AMOTL1: variants seen among roughly 807,000 people sequenced by gnomAD.
AMOTL1 encodes the protein angiomotin-like protein 1.
In AMOTL1, 45 loss-of-function variants were observed where a neutral mutation model predicts 102.9. The ratio of observed to expected loss-of-function variants is 0.44; its 90% CI spans 0.34 to 0.56. AMOTL1 has a LOEUF of 0.56. Among genes scored for constraint, AMOTL1 ranks in the 20% least tolerant of loss-of-function variants. AMOTL1 has a pLI of 0.01. For synonymous variants in AMOTL1, 481 were observed against 484.7 expected, an observed-to-expected ratio of 0.99 and a Z score of 0.10; for missense variants, 1,114 against 1,225.6, an observed-to-expected ratio of 0.91 and a Z score of 1.36.
intron 2 of AMOTL1, among the ~76,000 whole-genome samples, chr11:94,729,969 T>C (rs930699531): frequency 2.6e-5 from 4 of 152,114 alleles, no homozygotes; most frequent in Non-Finnish European, 5.9e-5. Flanking sequence ...CACCAGGGTA[T>C]GTCTTCCAAC....
rs74615050 is a variant in AMOTL1 at position 94,778,761 on chromosome 11, A to G, written c.49+10201A>G. ...GGACTTCTGGGGCAAGAAGACTGAG[A>G]GCGCATGAGTGGTTTGTGACTGGAT... On this transcript the variant is annotated intron_variant, in intron 1 of 12. Coordinates refer to ENST00000433060, the MANE Select transcript of AMOTL1 (RefSeq NM_130847.3). Among the ~76,000 whole-genome samples, 916 of 152,278 alleles carry G rather than the reference A, an allele frequency of 6.0e-3. 10 individuals are homozygous for G. Among genetic ancestry groups the G allele is most frequent in the African/African-American group, 0.021 (882 of 41,544 alleles).
Position 94,722,338 on chromosome 11 carries a change from C to A in AMOTL1, c.-50-6583C>A, listed in dbSNP as rs960961543. 2.0e-5 allele frequency among the ~76,000 whole-genome samples: 3 copies of A among 152,130 alleles called. No individual in the cohort carries two copies. In the South Asian group the frequency reaches 6.2e-4, roughly 32 times the overall value. On this transcript the variant is annotated intron_variant, in intron 1 of 4. Transcript: ENST00000299004. ...CTGTTTCTCCATGGAATGCAGTCTG[C>A]AGATGGGACAACATCACTTCCAGAA... is the stretch of plus-strand genomic sequence containing the variant.
intron 3 of AMOTL1, among the ~76,000 whole-genome samples, chr11:94,751,814 A>G (rs1176363546): frequency 1.3e-5 from 2 of 151,860 alleles, no homozygotes; most frequent in Non-Finnish European, 1.5e-5. Context: ...GCACACACGC[A>G]CACACACACA....
rs377260406 is a variant in AMOTL1 at position 94,795,074 on chromosome 11, T to A, written c.113T>A (p.Phe38Tyr). The change falls in exon 2 of 13, where the codon TTT becomes TAT. Residue 38 changes from phenylalanine (F) to tyrosine (Y), a missense_variant. By Grantham distance (22) the Phe-to-Tyr change is conservative. Transcript: ENST00000433060. ...CAGGTTCTAGAAGACTCCACCTACT[T>A]TTCCCCAGACTTTCAGCTCTATTCT... The part of the protein sequence containing the change: ...PVQVLEDSTY[F>Y]SPDFQLYSGR... The A allele has an allele frequency of 6.8e-6, 11 of 1,613,720 alleles. No individual in the cohort carries two copies. Among genetic ancestry groups the A allele is most frequent in the Non-Finnish European group, 9.3e-6 (11 of 1,179,858 alleles).
chr11:94,822,832 G>A (rs1463060687), intron 4 of AMOTL1, among the ~76,000 whole-genome samples: 1 of 152,148 alleles, frequency 6.6e-6, no homozygotes, highest in East Asian at 1.9e-4. Context: ...CAAGGGGGTT[G>A]AGCAAAGGTA....
intron 12 of AMOTL1, among the ~76,000 whole-genome samples, chr11:94,869,957 G>A (rs1281578379): frequency 1.3e-5 from 2 of 152,216 alleles, no homozygotes; most frequent in Non-Finnish European, 2.9e-5. Flanking sequence ...CTTGGGCCAG[G>A]ACTAACGAGC....
chr11:94,729,557 A>C (rs954417637), intron 2 of AMOTL1, among the ~76,000 whole-genome samples: 3 of 152,122 alleles, frequency 2.0e-5, no homozygotes, highest in Non-Finnish European at 4.4e-5. Flanking sequence ...TAAATGATGG[A>C]GATATTGTTA....
chr11:94,847,321 G>C (rs1309503183), intron 6 of AMOTL1, among the ~76,000 whole-genome samples: 1 of 152,114 alleles, frequency 6.6e-6, no homozygotes, highest in Admixed American at 6.5e-5. Context: ...GCATAACAAA[G>C]GCTGTTAGGA....
chr11:94,840,681 T>TATATATATATATATATATATATAC (rs1166713705), intron 6 of AMOTL1, among the ~76,000 whole-genome samples: 4 of 104,786 alleles, frequency 3.8e-5, no homozygotes, highest in South Asian at 6.7e-4. Flanking sequence ...TATATATATA[T>TATATATATATATATATATATATAC]ACACACACAC....
chr11:94,869,496 A>G (rs779566277), intron 12 of AMOTL1, 23 bp downstream of exon 12: 7 of 1,568,842 alleles, frequency 4.5e-6, no homozygotes, highest in Non-Finnish European at 6.1e-6. Context: ...CCCCACCTTG[A>G]TGCCCCTGAA....
At chr11:94,783,432 A>AT (rs1432363289) in intron 1 of AMOTL1, among the ~76,000 whole-genome samples, 1 of 152,220 alleles carries the variant, frequency 6.6e-6, no homozygotes, top group Non-Finnish European at 1.5e-5. Flanking sequence ...CTGATGATAA[A>AT]TTAGGGGTTA....
intron 6 of AMOTL1, among the ~76,000 whole-genome samples, chr11:94,833,166 CT>C (rs1952108172): frequency 6.6e-6 from 1 of 152,218 alleles, no homozygotes; most frequent in Admixed American, 6.5e-5. Context: ...CATTTTTCAA[CT>C]GCTTAAAGGA....
At chr11:94,790,567 G>A (rs1951266485) in intron 1 of AMOTL1, among the ~76,000 whole-genome samples, 1 of 152,156 alleles carries the variant, frequency 6.6e-6, no homozygotes, top group Non-Finnish European at 1.5e-5. Flanking sequence ...CATGTTCACA[G>A]GATGCTGGGA....
At chr11:94,714,901 C>T (rs1040922579) in intron 1 of AMOTL1, among the ~76,000 whole-genome samples, 29 of 151,762 alleles carry the variant, frequency 1.9e-4, no homozygotes, top group African/African-American at 1.5e-4. Context: ...TTTTTCCTTC[C>T]GCTTGACTTC....
Position 94,799,721 on chromosome 11 carries a change from G to A in AMOTL1, c.531G>A (p.Arg177=), listed in dbSNP as rs1022507677. The A allele has an allele frequency of 6.2e-7, 1 of 1,613,618 alleles. No homozygotes were observed. Among genetic ancestry groups the A allele is most frequent in the South Asian group, 1.1e-5 (1 of 91,056 alleles). Residue 177 remains arginine, a synonymous_variant, in exon 3 of 13, where the codon CGG becomes CGA. Transcript: ENST00000433060. The surrounding 1 kb of genome is among the most constrained non-coding windows in gnomAD (Gnocchi z 4.5). ...VDNTVMEKQV[R]STQPQQNNEE... is the part of the protein sequence containing the mutation. Reference sequence around the variant, plus strand: ...ATACGGTGATGGAGAAACAGGTCCGGTCCACGCAGCCTCAGCAGAACAACG... The same window carrying A: ...ATACGGTGATGGAGAAACAGGTCCGATCCACGCAGCCTCAGCAGAACAACG...
At chr11:94,866,644 T>G (rs1454734820) in intron 11 of AMOTL1, 1 of 170,198 alleles carries the variant, frequency 5.9e-6, no homozygotes, top group Admixed American at 5.6e-5. Flanking sequence ...CCATGGGGCG[T>G]GGGAGGGAAG....
intron 1 of AMOTL1, among the ~76,000 whole-genome samples, chr11:94,768,893 C>A (rs1950898530): frequency 6.6e-6 from 1 of 151,956 alleles, no homozygotes; most frequent in Non-Finnish European, 1.5e-5. Context: ...CACTCCGAGG[C>A]GCGCCCGCGC....
In AMOTL1 at chr11:94,811,094, T is replaced by C. The variant is rs1409900819; in HGVS notation, c.1122-10436T>C. Among the ~76,000 whole-genome samples, 5 of 152,244 alleles carry C rather than the reference T, an allele frequency of 3.3e-5. No homozygotes were observed. The East Asian group carries it at 7.7e-4, about 23-fold the overall frequency. On this transcript the variant is annotated intron_variant, in intron 3 of 12. Coordinates refer to ENST00000433060, the MANE Select transcript of AMOTL1 (RefSeq NM_130847.3). The stretch of plus-strand genomic sequence containing the variant: ...GGGCAGAACCTTAGCTACCTTTAGC[T>C]ACTGAACTGCAGCATGGGGCAACAG...
intron 3 of AMOTL1, among the ~76,000 whole-genome samples, chr11:94,753,428 A>T (rs1013553178): frequency 5.3e-5 from 8 of 151,958 alleles, no homozygotes; most frequent in Non-Finnish European, 1.0e-4. Flanking sequence ...TTGAAAAAAG[A>T]TAGAAAAAGA....
Sources: gnomAD v4.1 joint callset for allele counts (sites outside exome capture counted in the v4.1 genomes callset) on GRCh38, gnomAD v4.1.1 for gene constraint, Gnocchi (gnomAD v3.1) non-coding constraint, MANE v1.5 for transcripts, NCBI Gene and HGNC (gene_info 2026-07-23, HGNC 2026-07-21) for gene names.